ADAM19: variants seen among roughly 807,000 people sequenced by gnomAD.
ADAM19 encodes disintegrin and metalloproteinase domain-containing protein 19.
A neutral mutation model predicts 114.7 loss-of-function variants in ADAM19; 65 were observed. That is an observed-to-expected ratio of 0.57 (90% confidence interval 0.46 to 0.70). The LOEUF (loss-of-function observed/expected upper bound fraction) is 0.70. Ranked by LOEUF, ADAM19 falls within the 30% of genes least tolerant of loss-of-function variation. ADAM19 has a pLI of 0.00. For synonymous variants in ADAM19, 466 were observed against 460.5 expected, an observed-to-expected ratio of 1.01 and a Z score of -0.15; for missense variants, 1,063 against 1,204.7, an observed-to-expected ratio of 0.88 and a Z score of 1.74.
intron 8 of ADAM19, among the ~76,000 whole-genome samples, chr5:157,511,722 G>A (rs1755927305): frequency 6.6e-6 from 1 of 152,186 alleles, no homozygotes; most frequent in Admixed American, 6.5e-5. Flanking sequence ...ATTCATTCCA[G>A]TTTTAGTTCA....
Position 157,493,021 on chromosome 5 carries a change from C to T in ADAM19, c.1860G>A (p.Met620Ile). The change falls in exon 16 of 23, where the codon ATG becomes ATA. Residue 620 changes from methionine to isoleucine, a missense_variant. Met to Ile is a conservative substitution (Grantham distance 10). Coordinates refer to ENST00000257527, the MANE Select transcript of ADAM19 (RefSeq NM_033274.5). ...CAGTCATCACCAGCCCTGGGTCCAG[C>T]ATGTCACCCTCCTCCTCAGGACCTC... ...VYRGPEEEGDMLDPGLVMTGT... is the reference protein window; with the variant it reads ...VYRGPEEEGDILDPGLVMTGT... The T allele has an allele frequency of 5.6e-6, 9 of 1,614,238 alleles. No individual in the cohort carries two copies. The highest frequency in any genetic ancestry group is 2.2e-5 in the East Asian group (1 of 44,888).
intron 13 of ADAM19, among the ~76,000 whole-genome samples, chr5:157,497,680 G>A (rs1755409629): frequency 6.6e-6 from 1 of 152,158 alleles, no homozygotes; most frequent in South Asian, 2.1e-4. Context: ...CAGGCACTGG[G>A]CTGAGTGTGT....
chr5:157,559,610 G>A (rs967489654), intron 3 of ADAM19, among the ~76,000 whole-genome samples: 17 of 152,192 alleles, frequency 1.1e-4, no homozygotes, highest in Admixed American at 6.5e-5. Flanking sequence ...TAACTAAGGA[G>A]GATTCCATTT....
At chr5:157,535,907 G>C (rs1459283102) in intron 4 of ADAM19, among the ~76,000 whole-genome samples, 1 of 152,236 alleles carries the variant, frequency 6.6e-6, no homozygotes, top group Non-Finnish European at 1.5e-5. Flanking sequence ...ATGGCTAACA[G>C]CTTTCTAGGC....
chr5:157,512,641 G>A (rs1755957411), intron 8 of ADAM19, among the ~76,000 whole-genome samples: 1 of 152,162 alleles, frequency 6.6e-6, no homozygotes, highest in South Asian at 2.1e-4. Flanking sequence ...TCCCAGACCA[G>A]CCCGTTCTAG....
chr5:157,574,069 G>A (rs1227998543), intron 1 of ADAM19, among the ~76,000 whole-genome samples: 1 of 152,160 alleles, frequency 6.6e-6, no homozygotes, highest in Non-Finnish European at 1.5e-5. Context: ...AACGCTCATG[G>A]TGTGAAGTGA....
At chr5:157,556,680 T>A (rs1757377454) in intron 3 of ADAM19, among the ~76,000 whole-genome samples, 1 of 152,202 alleles carries the variant, frequency 6.6e-6, no homozygotes, top group Non-Finnish European at 1.5e-5. Context: ...TATAATGTAG[T>A]AAGAGGCAGG....
chr5:157,492,066 C>T (rs566026966), intron 16 of ADAM19, among the ~76,000 whole-genome samples, 154 bp from the exon 17 acceptor site: 2 of 152,090 alleles, frequency 1.3e-5, no homozygotes, highest in East Asian at 1.9e-4. Context: ...CTGAGGTGGG[C>T]GGATCACCAG....
intron 7 of ADAM19, among the ~76,000 whole-genome samples, chr5:157,514,141 C>A (rs1048119851): frequency 3.9e-5 from 6 of 152,154 alleles, no homozygotes; most frequent in African/African-American, 1.4e-4. Flanking sequence ...GAAAACCTGC[C>A]GGGAAAACGT....
chr5:157,502,117 C>T (rs1196598760), intron 12 of ADAM19, among the ~76,000 whole-genome samples: 2 of 152,118 alleles, frequency 1.3e-5, no homozygotes, highest in African/African-American at 4.8e-5. Flanking sequence ...CCATAATTTA[C>T]TGTTACTTGT....
intron 5 of ADAM19, among the ~76,000 whole-genome samples, chr5:157,529,827 G>A (rs185156177): frequency 1.2e-3 from 179 of 152,324 alleles, no homozygotes; most frequent in African/African-American, 4.2e-3. Flanking sequence ...AAGCCAGGTA[G>A]TCTCACTCAG....
At chr5:157,503,777 A>G (rs941809632) in intron 11 of ADAM19, among the ~76,000 whole-genome samples, 2 of 152,242 alleles carry the variant, frequency 1.3e-5, no homozygotes, top group Non-Finnish European at 2.9e-5. Flanking sequence ...GGCCAAGATC[A>G]TAAGTTTTAT....
At chr5:157,548,336 T>C (rs768613515) in intron 3 of ADAM19, among the ~76,000 whole-genome samples, 1 of 152,232 alleles carries the variant, frequency 6.6e-6, no homozygotes, top group Non-Finnish European at 1.5e-5. Context: ...GAGACTATTC[T>C]GATCACCATT....
rs577973595 is a variant in ADAM19, at chr5:157,544,311, T to C, written c.252-6320A>G. Among the ~76,000 whole-genome samples the C allele has an allele frequency of 3.3e-5, 5 of 152,364 alleles. No homozygotes were observed. In the South Asian group the frequency reaches 1.0e-3, roughly 32 times the overall value. Reference sequence around the variant, plus strand: ...CCAATGCTACTCAGTATGTTTTCTTTAACTTCCTATTAAGGAAGTTTCCAA... The same window carrying C: ...CCAATGCTACTCAGTATGTTTTCTTCAACTTCCTATTAAGGAAGTTTCCAA... On this transcript the variant is annotated intron_variant, in intron 3 of 22. Coordinates refer to ENST00000257527, the MANE Select transcript of ADAM19 (RefSeq NM_033274.5).
rs547199053 is a variant in ADAM19, at chr5:157,534,811, A to C, written c.330+3102T>G. The stretch of plus-strand genomic sequence containing the variant: ...TTGAAAGAGAGGTTTTAAGTCATTC[A>C]CAAGGTGACACAGCAAAGTGGATAC... On this transcript the variant is annotated intron_variant, in intron 4 of 22. Coordinates refer to ENST00000257527, the MANE Select transcript of ADAM19 (RefSeq NM_033274.5). Among the ~76,000 whole-genome samples the C allele has an allele frequency of 3.1e-4, 47 of 152,342 alleles. No homozygotes were observed. The South Asian group carries it at 8.9e-3, about 29-fold the overall frequency.
chr5:157,477,855 C>T lies in ADAM19; in HGVS notation c.*3094G>A. 4 of 513,262 alleles carry T rather than the reference C, an allele frequency of 7.8e-6. No individual in the cohort carries two copies. Among genetic ancestry groups the T allele is most frequent in the South Asian group, 5.6e-5 (3 of 53,382 alleles). The allele number at this position is 513,262 out of a possible 1,614,324, so 31.8% of individuals were successfully genotyped here. A position where few individuals can be genotyped will look rare whatever the true frequency, so the allele number is the denominator to read the frequency against. On this transcript the variant is annotated 3_prime_UTR_variant, in exon 23 of 23. Transcript: ENST00000257527. ...TCAGGGGGAAGGGACTATGGCAATA[C>T]AAAAAAACACTCCAACCAGAAAATC...
intron 11 of ADAM19, among the ~76,000 whole-genome samples, chr5:157,503,858 T>C (rs989219063): frequency 1.3e-5 from 2 of 152,184 alleles, no homozygotes; most frequent in African/African-American, 4.8e-5. Flanking sequence ...ACCAGCCAAC[T>C]CATAAACGCA....
At chr5:157,564,921 A>G (rs61453595) in intron 2 of ADAM19, among the ~76,000 whole-genome samples, 1,979 of 152,286 alleles carry the variant, frequency 0.013, 40 homozygotes, top group African/African-American at 0.046. Context: ...TAAATAATGT[A>G]TCACAGTGCC....
At chr5:157,500,997 C>T (rs1170193569) in intron 12 of ADAM19, among the ~76,000 whole-genome samples, 2 of 152,174 alleles carry the variant, frequency 1.3e-5, no homozygotes, top group East Asian at 3.8e-4. Context: ...CAAGTCAGGT[C>T]TGCCTGAGGC....
Sources: gnomAD v4.1 joint callset for allele counts (sites outside exome capture counted in the v4.1 genomes callset) on GRCh38, gnomAD v4.1.1 for gene constraint, MANE v1.5 for transcripts, NCBI Gene and HGNC (gene_info 2026-07-23, HGNC 2026-07-21) for gene names.